The following ZNRF3 variants were observed in gnomAD, a reference collection of about 807,000 sequenced individuals.
ZNRF3 encodes the protein E3 ubiquitin-protein ligase ZNRF3.
In ZNRF3, 23 loss-of-function variants were observed where a neutral mutation model predicts 72.5. The observed-to-expected ratio is 0.32, with a 90% CI of 0.23 to 0.45. The LOEUF (loss-of-function observed/expected upper bound fraction) is 0.45, where lower values mean the gene tolerates loss of function less well. Among genes scored for constraint, ZNRF3 ranks in the 20% least tolerant of loss-of-function variants. ZNRF3 has a pLI of 1.00. For synonymous variants in ZNRF3, 610 were observed against 545.3 expected (o/e 1.12, Z -1.65); for missense variants, 1,169 against 1,272.1 (o/e 0.92, Z 1.23).
In ZNRF3 at chr22:29,049,191, C is replaced by G; in HGVS notation, c.1016-6C>G. 6.3e-7 allele frequency: 1 copy of G among 1,583,572 alleles called. No homozygotes were observed. The highest frequency in any genetic ancestry group is 8.6e-7 in the Non-Finnish European group (1 of 1,162,962). ...TGCCTACTCTGTTTCCTCCACTTGT[C>G]TCCAGAACAAAAGGGAAACCCAAGC... On this transcript the variant is annotated splice_polypyrimidine_tract_variant and splice_region_variant and intron_variant, in intron 7 of 8. Coordinates refer to ENST00000544604, the MANE Select transcript of ZNRF3 (RefSeq NM_001206998.2). The surrounding 1 kb of genome is among the most constrained non-coding windows in gnomAD (Gnocchi z 5.2).
intron 2 of ZNRF3, among the ~76,000 whole-genome samples, chr22:29,007,002 T>C (rs981399745): frequency 3.9e-5 from 6 of 152,252 alleles, no homozygotes; most frequent in African/African-American, 1.2e-4. Context: ...GGTGTCATGA[T>C]TGCATTCCTA....
At chr22:28,914,531 G>A (rs991289561) in intron 1 of ZNRF3, among the ~76,000 whole-genome samples, 2 of 146,552 alleles carry the variant, frequency 1.4e-5, no homozygotes, top group African/African-American at 5.0e-5. Flanking sequence ...TTAAAAGTTG[G>A]AGGCCGGGCA....
intron 2 of ZNRF3, among the ~76,000 whole-genome samples, chr22:29,002,234 A>G (rs1293881720): frequency 6.6e-6 from 1 of 152,208 alleles, no homozygotes; most frequent in Non-Finnish European, 1.5e-5. Flanking sequence ...ATCTCCTCCC[A>G]TTTTTAGCTA....
intron 8 of ZNRF3, among the ~76,000 whole-genome samples, chr22:29,053,077 C>T (rs1446773197): frequency 6.6e-6 from 1 of 152,140 alleles, no homozygotes; most frequent in East Asian, 1.9e-4. Flanking sequence ...CTTTCACCTC[C>T]TGTGGCCCCT....
chr22:28,964,526 C>T (rs1026557518), intron 1 of ZNRF3, among the ~76,000 whole-genome samples: 1 of 152,192 alleles, frequency 6.6e-6, no homozygotes, highest in Non-Finnish European at 1.5e-5. Context: ...GCTTGAACCA[C>T]AGTTCACAGG....
chr22:29,004,434 A>G (rs1024839091), intron 2 of ZNRF3, among the ~76,000 whole-genome samples: 8 of 152,136 alleles, frequency 5.3e-5, no homozygotes, highest in African/African-American at 1.9e-4. Flanking sequence ...AACTTCATCT[A>G]TCTCGAGGGT....
At chr22:29,042,104 A>G (rs1251069592) in intron 2 of ZNRF3, among the ~76,000 whole-genome samples, 2 of 152,208 alleles carry the variant, frequency 1.3e-5, no homozygotes, top group African/African-American at 4.8e-5. Flanking sequence ...AGGTAGGTGA[A>G]ATTGTCCTCT....
At chr22:28,887,235 A>AGTGTGT (rs1179478685) in intron 1 of ZNRF3, among the ~76,000 whole-genome samples, 35 of 93,168 alleles carry the variant, frequency 3.8e-4, no homozygotes, top group Middle Eastern at 5.0e-3. Context: ...AGAGAGAGAG[A>AGTGTGT]GTGTGTGTGT....
intron 2 of ZNRF3, among the ~76,000 whole-genome samples, chr22:29,020,534 T>C (rs1038392911): frequency 3.3e-5 from 5 of 151,896 alleles, no homozygotes; most frequent in Non-Finnish European, 5.9e-5. Flanking sequence ...GTGGTAGGAT[T>C]ACAGGTGTGA....
chr22:29,050,091 A>G lies in ZNRF3; in HGVS notation c.1910A>G (p.His637Arg), dbSNP rs62641746. The change falls in exon 8 of 9, where the codon CAC becomes CGC. Residue 637 changes from histidine to arginine, a missense_variant. His to Arg is a conservative substitution (Grantham distance 29). Coordinates refer to ENST00000544604, the MANE Select transcript of ZNRF3 (RefSeq NM_001206998.2). ...CCTCCCGAGGAGCTCCCGGCGGTGC[A>G]CAGTCATGGTGCTGGGCGGGGCGAG... ...SPPPEELPAV[H>R]SHGAGRGEPW... The G allele has an allele frequency of 4.8e-3, 7,725 of 1,608,384 alleles. 25 individuals carry two copies. Among genetic ancestry groups the G allele is most frequent in the Non-Finnish European group, 5.7e-3 (6,743 of 1,179,030 alleles).
chr22:29,024,284 GTT>G (rs59532780), intron 2 of ZNRF3, among the ~76,000 whole-genome samples: 2 of 127,790 alleles, frequency 1.6e-5, no homozygotes, highest in Non-Finnish European at 3.3e-5. Context: ...GGCATTAACT[GTT>G]TTTTTTTTTT....
intron 1 of ZNRF3, among the ~76,000 whole-genome samples, chr22:28,966,865 A>ATTTTTTTTTTTTTT (rs2035473085): frequency 7.4e-6 from 1 of 134,992 alleles, no homozygotes; most frequent in African/African-American, 3.2e-5. Context: ...AGTTTTAAAA[A>ATTTTTTTTTTTTTT]TCTTTTTTTT....
In ZNRF3 at chr22:28,981,534, T is replaced by A. The variant is rs117442112; in HGVS notation, c.301-5542T>A. ...GGAGAAAGTAGAAATAAAGGTTTCATTGGGGCTATATCTTAAAAAATAAAA... is the reference window on the plus strand; with the variant it reads ...GGAGAAAGTAGAAATAAAGGTTTCAATGGGGCTATATCTTAAAAAATAAAA... On this transcript the variant is annotated intron_variant, in intron 1 of 8. Transcript: ENST00000544604. Among the ~76,000 whole-genome samples, 153 of 152,270 alleles carry A rather than the reference T, an allele frequency of 1.0e-3. 4 individuals are homozygous for A. The South Asian group carries it at 0.023, about 23-fold the overall frequency.
chr22:28,992,167 C>G (rs996666222), intron 2 of ZNRF3, among the ~76,000 whole-genome samples: 6 of 147,848 alleles, frequency 4.1e-5, no homozygotes, highest in Non-Finnish European at 9.0e-5. Flanking sequence ...CCTCTTCCCC[C>G]CAACCCCCCG....
intron 1 of ZNRF3, among the ~76,000 whole-genome samples, chr22:28,885,207 G>T (rs1313704797): frequency 6.6e-6 from 1 of 152,032 alleles, no homozygotes; most frequent in East Asian, 1.9e-4. Flanking sequence ...TTCCTTCCTT[G>T]GGTGCAGACT....
chr22:28,926,366 G>C (rs1048033911), intron 1 of ZNRF3, among the ~76,000 whole-genome samples: 2 of 152,014 alleles, frequency 1.3e-5, no homozygotes, highest in Non-Finnish European at 2.9e-5. Context: ...TTTTTAAAGA[G>C]ATGGGGGGGT....
chr22:29,043,325 C>G lies in ZNRF3; in HGVS notation c.528C>G (p.Leu176=). 2 of 1,614,022 alleles carry G rather than the reference C, an allele frequency of 1.2e-6. No homozygotes were observed. The highest frequency in any genetic ancestry group is 1.1e-5 in the South Asian group (1 of 91,076). Reference sequence around the variant, plus strand: ...TGAACCAGGGCTCTGAAGACCCGCTCAAGAGGCCGGTGGTGTATGTGAAGG... The same window carrying G: ...TGAACCAGGGCTCTGAAGACCCGCTGAAGAGGCCGGTGGTGTATGTGAAGG... ...DQLNQGSEDP[L]KRPVVYVKGA... The change falls in exon 4 of 9, where the codon CTC becomes CTG. Residue 176 remains leucine, a synonymous_variant. Coordinates refer to ENST00000544604, the MANE Select transcript of ZNRF3 (RefSeq NM_001206998.2).
intron 1 of ZNRF3, among the ~76,000 whole-genome samples, chr22:28,908,425 C>T (rs189110471): frequency 3.9e-5 from 6 of 152,192 alleles, no homozygotes; most frequent in Admixed American, 1.3e-4. Flanking sequence ...AGCGTTGGGC[C>T]GTGTGCAAGT....
intron 1 of ZNRF3, among the ~76,000 whole-genome samples, chr22:28,897,853 C>T (rs897692154): frequency 1.8e-4 from 27 of 152,090 alleles, no homozygotes; most frequent in African/African-American, 6.0e-4. Flanking sequence ...TTTACCGAAC[C>T]GGAATTCTCC....
Sources: gnomAD v4.1 joint callset for allele counts (sites outside exome capture counted in the v4.1 genomes callset) on GRCh38, gnomAD v4.1.1 for gene constraint, Gnocchi (gnomAD v3.1) non-coding constraint, MANE v1.5 for transcripts, NCBI Gene and HGNC (gene_info 2026-07-23, HGNC 2026-07-21) for gene names.